Variants in EVA1C observed in about 807,000 individuals in gnomAD.
EVA1C encodes protein eva-1 homolog C.
A neutral mutation model predicts 45.4 loss-of-function variants in EVA1C; 25 were observed. The observed-to-expected ratio is 0.55, with a 90% CI of 0.40 to 0.77. The LOEUF (loss-of-function observed/expected upper bound fraction) is 0.77, where lower values mean the gene tolerates loss of function less well. EVA1C is among the 30% of genes least tolerant of loss of function. EVA1C has a pLI of 0.00. For synonymous variants in EVA1C, 190 were observed against 221.2 expected (o/e 0.86, Z 1.25); for missense variants, 479 against 554.8 (o/e 0.86, Z 1.37).
rs186775595 is a variant in EVA1C at position 32,472,590 on chromosome 21, C to T, written c.634+4742C>T. Among the ~76,000 whole-genome samples, 474 of 151,848 alleles carry T rather than the reference C, an allele frequency of 3.1e-3. 2 individuals carry two copies. The highest frequency in any genetic ancestry group is 4.6e-3 in the Non-Finnish European group (313 of 67,964). ...GTTTGAGGTTGCAGTGAGCTATGAT[C>T]GCACCTCTGCACTCCAGCCTGGGCC... On this transcript the variant is annotated intron_variant, in intron 4 of 7. Coordinates refer to ENST00000300255, the MANE Select transcript of EVA1C (RefSeq NM_058187.5).
chr21:32,484,972 T>C (rs1411948640), intron 4 of EVA1C, among the ~76,000 whole-genome samples: 2 of 151,740 alleles, frequency 1.3e-5, no homozygotes, highest in Non-Finnish European at 3.0e-5. Context: ...CAAGCATTGT[T>C]AATGTGTTCT....
chr21:32,510,530 A>AGCT (rs1249543495), intron 7 of EVA1C, among the ~76,000 whole-genome samples: 2 of 152,184 alleles, frequency 1.3e-5, no homozygotes, highest in African/African-American at 4.8e-5. Flanking sequence ...ACAATAGCAG[A>AGCT]GCTGTTATAT....
At chr21:32,433,706 G>A (rs1157232137) in intron 1 of EVA1C, among the ~76,000 whole-genome samples, 2 of 152,122 alleles carry the variant, frequency 1.3e-5, no homozygotes, top group Non-Finnish European at 2.9e-5. Context: ...GCACTGTTGT[G>A]GGTTGAATTG....
At chr21:32,467,367 G>C (rs1190907793) in intron 3 of EVA1C, among the ~76,000 whole-genome samples, 2 of 152,186 alleles carry the variant, frequency 1.3e-5, no homozygotes, top group African/African-American at 4.8e-5. Flanking sequence ...GTGACCTTAA[G>C]TGGTGAGTGA....
chr21:32,447,987 G>A (rs190012165), intron 1 of EVA1C, among the ~76,000 whole-genome samples: 2 of 152,284 alleles, frequency 1.3e-5, no homozygotes, highest in Admixed American at 6.5e-5. Context: ...TTACAAGCGT[G>A]AGCCACCGCG....
intron 4 of EVA1C, among the ~76,000 whole-genome samples, chr21:32,472,520 C>T (rs2036413880): frequency 6.6e-6 from 1 of 152,018 alleles, no homozygotes; most frequent in African/African-American, 2.4e-5. Context: ...TGTGTAATCC[C>T]TGCTACTCTG....
chr21:32,481,443 AC>A (rs1308469424), intron 4 of EVA1C, among the ~76,000 whole-genome samples: 36 of 149,018 alleles, frequency 2.4e-4, no homozygotes, highest in African/African-American at 8.7e-4. Context: ...TCAGCTCAAA[AC>A]CCCAAATAAA....
intron 1 of EVA1C, among the ~76,000 whole-genome samples, chr21:32,413,587 A>G (rs1344917525): frequency 1.3e-5 from 2 of 152,178 alleles, no homozygotes; most frequent in East Asian, 3.9e-4. Flanking sequence ...TCCCTCTCCA[A>G]TTCCAGTTTC....
At chr21:32,414,566 C>T (rs771267060) in intron 1 of EVA1C, among the ~76,000 whole-genome samples, 3 of 152,130 alleles carry the variant, frequency 2.0e-5, no homozygotes, top group Non-Finnish European at 4.4e-5. Context: ...GAAGCAGTTG[C>T]AATACTTGTA....
intron 1 of EVA1C, among the ~76,000 whole-genome samples, chr21:32,417,329 T>A (rs2034088123): frequency 6.6e-6 from 1 of 152,236 alleles, no homozygotes; most frequent in African/African-American, 2.4e-5. Context: ...TGATTTCTTG[T>A]GAGGCCTGTC....
intron 4 of EVA1C, among the ~76,000 whole-genome samples, chr21:32,471,290 G>A (rs774663347): frequency 1.2e-4 from 18 of 151,494 alleles, no homozygotes; most frequent in Non-Finnish European, 2.5e-4. Context: ...CTTCTTTACG[G>A]GCTCTGTGTT....
At chr21:32,461,454 C>A (rs796421613) in intron 3 of EVA1C, among the ~76,000 whole-genome samples, 5 of 152,222 alleles carry the variant, frequency 3.3e-5, no homozygotes, top group South Asian at 4.1e-4. Context: ...GTGAGATTGT[C>A]TCCACACCTT....
At chr21:32,418,210 T>C (rs2034127669) in intron 1 of EVA1C, among the ~76,000 whole-genome samples, 1 of 152,224 alleles carries the variant, frequency 6.6e-6, no homozygotes, top group Non-Finnish European at 1.5e-5. Context: ...AGATTTATCT[T>C]TACTTTAAAA....
intron 7 of EVA1C, among the ~76,000 whole-genome samples, chr21:32,511,617 G>A (rs1374971996): frequency 2.0e-5 from 3 of 151,954 alleles, no homozygotes; most frequent in Non-Finnish European, 4.4e-5. Context: ...CAAGACCATC[G>A]TAAGGTACAA....
At chr21:32,426,802 A>G (rs2146136727) in intron 1 of EVA1C, among the ~76,000 whole-genome samples, 1 of 152,026 alleles carries the variant, frequency 6.6e-6, no homozygotes, top group Non-Finnish European at 1.5e-5. Context: ...ACAAGTCACA[A>G]CTCTACTTAA....
chr21:32,429,222 G>T (rs1279471377), intron 1 of EVA1C, among the ~76,000 whole-genome samples: 1 of 152,004 alleles, frequency 6.6e-6, no homozygotes, highest in Non-Finnish European at 1.5e-5. Context: ...TGTATTTTTA[G>T]TATAGACGGG....
intron 1 of EVA1C, among the ~76,000 whole-genome samples, chr21:32,432,259 G>A (rs2034733891): frequency 6.6e-6 from 1 of 152,140 alleles, no homozygotes; most frequent in Admixed American, 6.5e-5. Flanking sequence ...TGATCATTCA[G>A]TGAAGGTGGG....
At chr21:32,512,239 A>G (rs2037980697) in intron 7 of EVA1C, among the ~76,000 whole-genome samples, 1 of 152,164 alleles carries the variant, frequency 6.6e-6, no homozygotes, top group Admixed American at 6.5e-5. Context: ...CACTGGTGCT[A>G]ATTACAGTAT....
At chr21:32,464,780 C>T (rs1007308372) in intron 3 of EVA1C, among the ~76,000 whole-genome samples, 5 of 152,096 alleles carry the variant, frequency 3.3e-5, no homozygotes, top group Admixed American at 1.3e-4. Context: ...CAAGATTGCA[C>T]CCCCCGCACT....
Sources: gnomAD v4.1 joint callset for allele counts (sites outside exome capture counted in the v4.1 genomes callset) on GRCh38, gnomAD v4.1.1 for gene constraint, MANE v1.5 for transcripts, NCBI Gene and HGNC (gene_info 2026-07-23, HGNC 2026-07-21) for gene names.